The following CCDC77 variants were observed in gnomAD, a reference collection of about 807,000 sequenced individuals.
CCDC77 encodes the protein coiled-coil domain containing 77, also known as coiled-coil domain-containing protein 77.
CCDC77 carries 56 observed loss-of-function variants against 66.8 expected under a neutral mutation model. The observed-to-expected ratio is 0.84, with a 90% CI of 0.68 to 1.05. The LOEUF is 1.05. CCDC77 is among the 50% of genes least tolerant of loss of function. CCDC77 has a pLI of 0.00. For missense variants in CCDC77, 570 were observed against 576.8 expected (o/e 0.99, Z 0.12); for synonymous variants, 196 against 195.2 (o/e 1.00, Z -0.03).
chr12:392,509 C>T (rs1158294193), intron 1 of CCDC77, among the ~76,000 whole-genome samples: 2 of 152,006 alleles, frequency 1.3e-5, no homozygotes, highest in African/African-American at 2.4e-5. Flanking sequence ...TTTGGGAGGC[C>T]GAGGCGGGCA....
At chr12:434,776 A>T (rs1048015643) in intron 9 of CCDC77, among the ~76,000 whole-genome samples, 1 of 152,214 alleles carries the variant, frequency 6.6e-6, no homozygotes, top group African/African-American at 2.4e-5. Context: ...TGATTTCTGC[A>T]GCACCTGTCT....
intron 5 of CCDC77, among the ~76,000 whole-genome samples, chr12:419,383 A>G (rs572481504): frequency 6.6e-6 from 1 of 152,248 alleles, no homozygotes; most frequent in Non-Finnish European, 1.5e-5. Context: ...ATATGGTCAC[A>G]AGAAGGAGTC....
At position 440,915 on chromosome 12, in the gene CCDC77, T is replaced by C. The variant is rs1565579521; in HGVS notation, c.1239T>C (p.Arg413=). 1 of 1,613,752 alleles carries C rather than the reference T, an allele frequency of 6.2e-7. No homozygotes were observed. Among genetic ancestry groups the C allele is most frequent in the Non-Finnish European group, 8.5e-7 (1 of 1,179,992 alleles). Residue 413 remains arginine, a synonymous_variant, in exon 12 of 13, where the codon CGT becomes CGC. Transcript: ENST00000239830. ...TKRYEALERR[R]ILEVEGFKTD... ...GCTATGAGGCATTGGAGCGTCGACG[T>C]ATCCTGGAAGTAGAAGGCTTTAAGA...
At chr12:391,868 C>G (rs564238120) in intron 1 of CCDC77, among the ~76,000 whole-genome samples, 4 of 152,346 alleles carry the variant, frequency 2.6e-5, no homozygotes, top group Non-Finnish European at 5.9e-5. Flanking sequence ...AATAGAAGGG[C>G]AGCAAATATT....
chr12:409,475 T>C, intron 3 of CCDC77, 54 bp downstream of exon 3: 2 of 1,478,676 alleles, frequency 1.4e-6, no homozygotes, highest in Admixed American at 1.7e-5. Flanking sequence ...TGTATAGCCT[T>C]AGTCTAAGCA....
chr12:410,699 C>G (rs559365963), intron 3 of CCDC77, among the ~76,000 whole-genome samples: 9 of 151,678 alleles, frequency 5.9e-5, no homozygotes, highest in African/African-American at 2.2e-4. Context: ...ACGCGTGCCA[C>G]CAGGCCCGGC....
chr12:409,392 T>A lies in CCDC77; in HGVS notation c.9T>A (p.Phe3Leu), dbSNP rs1337305586. ...GGTGTGAAAAAGACAGCATGAACTTTACCCCAACACACACCCCTGTCTGCA... is the reference window on the plus strand; with the variant it reads ...GGTGTGAAAAAGACAGCATGAACTTAACCCCAACACACACCCCTGTCTGCA... MN[F>L]TPTHTPVCRK... is the part of the protein sequence containing the mutation. Residue 3 changes from phenylalanine (F) to leucine (L), a missense_variant, in exon 3 of 13, where the codon TTT becomes TTA. Physicochemically the swap from Phe to Leu is conservative, Grantham distance 22. Transcript: ENST00000239830. 1 of 1,613,290 alleles carries A rather than the reference T, an allele frequency of 6.2e-7. No homozygotes were observed. Among genetic ancestry groups the A allele is most frequent in the Non-Finnish European group, 8.5e-7 (1 of 1,179,874 alleles).
At chr12:416,980 A>C (rs1249773115) in intron 4 of CCDC77, among the ~76,000 whole-genome samples, 1 of 152,030 alleles carries the variant, frequency 6.6e-6, no homozygotes, top group Non-Finnish European at 1.5e-5. Context: ...CTCTATTAAA[A>C]ATACAAAAAT....
chr12:415,327 CAT>C (rs1945209361), intron 4 of CCDC77, among the ~76,000 whole-genome samples: 1 of 90,320 alleles, frequency 1.1e-5, no homozygotes, highest in Non-Finnish European at 2.0e-5. Flanking sequence ...ATATAATCAA[CAT>C]AATATTATGT....
chr12:404,629 T>C (rs916549303), intron 1 of CCDC77, among the ~76,000 whole-genome samples: 1 of 152,036 alleles, frequency 6.6e-6, no homozygotes, highest in Non-Finnish European at 1.5e-5. Context: ...TGTAGACAAC[T>C]TTTCGTAGAC....
intron 1 of CCDC77, among the ~76,000 whole-genome samples, chr12:405,175 T>C (rs1019272603): frequency 9.2e-5 from 14 of 152,182 alleles, no homozygotes; most frequent in Admixed American, 5.9e-4. Context: ...TTATGCTAAG[T>C]GAAACAAGAC....
At chr12:406,527 A>G (rs529574899) in intron 2 of CCDC77, among the ~76,000 whole-genome samples, 13 of 152,336 alleles carry the variant, frequency 8.5e-5, no homozygotes, top group Admixed American at 3.9e-4. Context: ...CTTGTCGGCA[A>G]TTTTAAAGAC....
chr12:433,092 C>A, intron 8 of CCDC77, 82 bp from the exon 9 acceptor site: 1 of 1,401,330 alleles, frequency 7.1e-7, no homozygotes, highest in Non-Finnish European at 9.7e-7. Context: ...TTTAATTTTT[C>A]TGGAGAAAGG....
chr12:399,372 A>C (rs1163247739), upstream of CCDC77, among the ~76,000 whole-genome samples: 2 of 151,962 alleles, frequency 1.3e-5, no homozygotes, highest in African/African-American at 4.8e-5. Context: ...GGGTTTCTCC[A>C]TGTTGGCCAG....
Position 411,856 on chromosome 12 carries a change from G to C in CCDC77, c.148G>C (p.Ala50Pro), listed in dbSNP as rs755390117. 1.2e-6 allele frequency: 2 copies of C among 1,613,982 alleles called. No individual in the cohort carries two copies. The highest frequency in any genetic ancestry group is 1.7e-5 in the Admixed American group (1 of 59,990). Residue 50 changes from alanine to proline, a missense_variant, in exon 4 of 13, where the codon GCC becomes CCC. By Grantham distance (27) the Ala-to-Pro change is conservative (BLOSUM62 -1). Coordinates refer to ENST00000239830, the MANE Select transcript of CCDC77 (RefSeq NM_032358.4). Reference sequence around the variant, plus strand: ...CTTGCCTTCCCCCGAAGATCGTCTGGCCAAACTCCATCCTTCTAAGGAGCT... The same window carrying C: ...CTTGCCTTCCCCCGAAGATCGTCTGCCCAAACTCCATCCTTCTAAGGAGCT... ...TPLPSPEDRL[A>P]KLHPSKELLE... is the part of the protein sequence containing the mutation.
At chr12:416,344 G>GGGTGT (rs1417445217) in intron 4 of CCDC77, among the ~76,000 whole-genome samples, 1 of 37,092 alleles carries the variant, frequency 2.7e-5, no homozygotes, top group African/African-American at 9.2e-5. Flanking sequence ...GGTGTGTGGG[G>GGGTGT]GTGTGTGTGT....
chr12:390,135 A>C (rs1016056821), intron 1 of CCDC77: 2 of 152,084 alleles, frequency 1.3e-5, no homozygotes, highest in Non-Finnish European at 2.9e-5. Flanking sequence ...AAAAAAAAAA[A>C]AAAAAAAAAT....
chr12:402,040 G>T (rs1481885409), intron 1 of CCDC77, among the ~76,000 whole-genome samples: 1 of 152,176 alleles, frequency 6.6e-6, no homozygotes, highest in Non-Finnish European at 1.5e-5. Flanking sequence ...TGAAAATACT[G>T]AACGGTTGTT....
upstream of CCDC77, among the ~76,000 whole-genome samples, chr12:397,567 T>C (rs1266806692): frequency 6.6e-6 from 1 of 152,194 alleles, no homozygotes; most frequent in Non-Finnish European, 1.5e-5. Context: ...AAAAAAGCTA[T>C]GTGTTTACAC....
Sources: gnomAD v4.1 joint callset for allele counts (sites outside exome capture counted in the v4.1 genomes callset) on GRCh38, gnomAD v4.1.1 for gene constraint, MANE v1.5 for transcripts, NCBI Gene and HGNC (gene_info 2026-07-23, HGNC 2026-07-21) for gene names.